COLEC12: variants seen among roughly 807,000 people sequenced by gnomAD.
COLEC12 encodes the protein collectin-12.
In COLEC12, 33 loss-of-function variants were observed where a neutral mutation model predicts 71.1. The ratio of observed to expected loss-of-function variants is 0.46; its 90% confidence interval spans 0.35 to 0.62. The LOEUF is 0.62. COLEC12 is among the 20% of genes least tolerant of loss of function. The pLI is 0.00. For missense variants in COLEC12, 765 were observed against 916.1 expected (o/e 0.84, Z 2.13); for synonymous variants, 350 against 353.0 (o/e 0.99, Z 0.10).
chr18:374,451 A>G (rs1915069214), intron 2 of COLEC12, among the ~76,000 whole-genome samples: 1 of 152,160 alleles, frequency 6.6e-6, no homozygotes, highest in Non-Finnish European at 1.5e-5. Flanking sequence ...AACAAGCCAC[A>G]TGGAAACTAT....
intron 2 of COLEC12, among the ~76,000 whole-genome samples, chr18:474,659 C>T (rs1179115098): frequency 1.3e-5 from 2 of 152,330 alleles, no homozygotes; most frequent in East Asian, 3.9e-4. Context: ...ACCTGCCTGC[C>T]TGGAAGCAGA....
chr18:347,408 C>T, intron 4 of COLEC12, 67 bp from the exon 5 acceptor site: 1 of 1,321,124 alleles, frequency 7.6e-7, no homozygotes, highest in South Asian at 1.3e-5. Context: ...GGCCAAAGAT[C>T]CCGAACACAC....
chr18:459,435 C>G (rs565166127), intron 2 of COLEC12, among the ~76,000 whole-genome samples: 1 of 152,328 alleles, frequency 6.6e-6, no homozygotes, highest in South Asian at 2.1e-4. Flanking sequence ...TTAGCATGCA[C>G]AATGTCTGGC....
chr18:485,737 A>T (rs1313565014), intron 1 of COLEC12, among the ~76,000 whole-genome samples: 1 of 152,234 alleles, frequency 6.6e-6, no homozygotes, highest in African/African-American at 2.4e-5. Context: ...GTTGGCTTAG[A>T]GCTGAGAGTC....
At chr18:445,099 G>C (rs1013343892) in intron 2 of COLEC12, among the ~76,000 whole-genome samples, 6 of 152,070 alleles carry the variant, frequency 3.9e-5, no homozygotes, top group Admixed American at 1.3e-4. Context: ...TGGCACTCTG[G>C]GGTGAACATA....
At chr18:323,892 G>T (rs1056252962) in intron 8 of COLEC12, among the ~76,000 whole-genome samples, 3 of 152,138 alleles carry the variant, frequency 2.0e-5, no homozygotes, top group Non-Finnish European at 2.9e-5. Flanking sequence ...AAATAAAAAG[G>T]ATGTATCAAC....
At chr18:436,200 T>TA (rs1220790173) in intron 2 of COLEC12, among the ~76,000 whole-genome samples, 1 of 152,204 alleles carries the variant, frequency 6.6e-6, no homozygotes, top group Admixed American at 6.5e-5. Context: ...GAGGTCTTTT[T>TA]ATTTTGCAGG....
chr18:347,387 T>C (rs756495895), intron 4 of COLEC12, 46 bp from the exon 5 acceptor site: 19 of 1,524,444 alleles, frequency 1.2e-5, no homozygotes, highest in Non-Finnish European at 1.7e-5. Context: ...TATGGAGAAG[T>C]GTTCAGGCAA....
At chr18:350,959 CAAAA>C (rs71174228) in intron 3 of COLEC12, among the ~76,000 whole-genome samples, 5 of 66,336 alleles carry the variant, frequency 7.5e-5, no homozygotes, top group African/African-American at 9.6e-5. Context: ...GACTCTGTCT[CAAAA>C]AAAAAAAAAA....
chr18:378,154 T>C (rs905195822), intron 2 of COLEC12, among the ~76,000 whole-genome samples: 4 of 152,070 alleles, frequency 2.6e-5, no homozygotes, highest in African/African-American at 9.7e-5. Flanking sequence ...AACAGAGACA[T>C]TTAAAAAAAT....
chr18:445,787 C>A (rs1916636082), intron 2 of COLEC12, among the ~76,000 whole-genome samples: 1 of 152,052 alleles, frequency 6.6e-6, no homozygotes, highest in African/African-American at 2.4e-5. Flanking sequence ...TGTGCACAAC[C>A]ACACCCGGCT....
At chr18:414,885 G>T (rs1475090439) in intron 2 of COLEC12, among the ~76,000 whole-genome samples, 1 of 152,206 alleles carries the variant, frequency 6.6e-6, no homozygotes, top group Non-Finnish European at 1.5e-5. Flanking sequence ...GTGTGGCCAA[G>T]AGATTTCAAG....
rs1916046829 is a variant in COLEC12 at position 419,164 on chromosome 18, T to TTCTATTCTAC, written c.58+61542_58+61543insGTAGAATAGA. ...GGCATCATACTTCTATTCTATTCTA[T>TTCTATTCTAC]TCTATTCTATTCTATTCTATTCTAT... On this transcript the variant is annotated intron_variant, in intron 2 of 9. Coordinates refer to ENST00000400256, the MANE Select transcript of COLEC12 (RefSeq NM_130386.3). Among the ~76,000 whole-genome samples the TTCTATTCTAC allele has an allele frequency of 3.2e-5, 3 of 94,770 alleles. No homozygotes were observed. In the South Asian group the frequency reaches 9.4e-4, roughly 30 times the overall value. 62.2% of individuals were successfully genotyped at this position (94,770 alleles called of 152,430 possible).
At chr18:423,051 G>A (rs995073433) in intron 2 of COLEC12, among the ~76,000 whole-genome samples, 8 of 152,122 alleles carry the variant, frequency 5.3e-5, no homozygotes, top group South Asian at 2.1e-4. Flanking sequence ...TTGGAGGATC[G>A]TTTGAGGTCA....
intron 2 of COLEC12, among the ~76,000 whole-genome samples, chr18:476,931 A>G (rs1262919360): frequency 1.3e-5 from 2 of 152,182 alleles, no homozygotes; most frequent in African/African-American, 4.8e-5. Flanking sequence ...TGCTCACTTA[A>G]TTAACCCTTC....
In COLEC12 at chr18:321,628, G is replaced by A. The variant is rs374277727; in HGVS notation, c.2209+34C>T. The A allele has an allele frequency of 6.2e-6, 10 of 1,612,970 alleles. No homozygotes were observed. The African/African-American group carries it at 1.3e-4, about 22-fold the overall frequency. On this transcript the variant is annotated intron_variant, in intron 9 of 9. Coordinates refer to ENST00000400256, the MANE Select transcript of COLEC12 (RefSeq NM_130386.3). ...CTCACCCTTTCATAGGACATAAGCTGGCAGCTCCCTCTTAAATCCCATCTA... is the reference window on the plus strand; with the variant it reads ...CTCACCCTTTCATAGGACATAAGCTAGCAGCTCCCTCTTAAATCCCATCTA...
intron 3 of COLEC12, 110 bp downstream of exon 3, chr18:357,290 T>A (rs977347973): frequency 4.0e-5 from 41 of 1,031,448 alleles, no homozygotes; most frequent in Non-Finnish European, 5.6e-5. Flanking sequence ...TTATTTTGCA[T>A]CTGAGTTGTA....
intron 2 of COLEC12, among the ~76,000 whole-genome samples, chr18:477,521 G>A (rs1233317689): frequency 6.6e-6 from 1 of 152,196 alleles, no homozygotes; most frequent in African/African-American, 2.4e-5. Context: ...ACCGTCTTTA[G>A]AAGAAAATCA....
At chr18:487,655 T>C (rs1157280920) in intron 1 of COLEC12, among the ~76,000 whole-genome samples, 1 of 152,054 alleles carries the variant, frequency 6.6e-6, no homozygotes, top group Non-Finnish European at 1.5e-5. Context: ...AAGGCAAAAG[T>C]TTACCAACTG....
Sources: gnomAD v4.1 joint callset for allele counts (sites outside exome capture counted in the v4.1 genomes callset) on GRCh38, gnomAD v4.1.1 for gene constraint, MANE v1.5 for transcripts, NCBI Gene and HGNC (gene_info 2026-07-23, HGNC 2026-07-21) for gene names.